DRC4: variants seen among roughly 807,000 people sequenced by gnomAD.
DRC4 encodes GAS-11.
the DRC4 span, chr16:90,020,705 T>A: frequency 6.6e-6 from 1 of 152,284 alleles, no homozygotes; most frequent in Admixed American, 6.5e-5. Context: ...GATTCATCTC[T>A]GCAGCCCACA....
chr16:90,040,332 G>A, the DRC4 span: 1 of 1,599,908 alleles, frequency 6.3e-7, no homozygotes, highest in Non-Finnish European at 8.5e-7. Context: ...TCTATCGGAA[G>A]TTCACCGCAG....
the DRC4 span, chr16:90,022,554 C>T: frequency 7.6e-6 from 5 of 659,210 alleles, no homozygotes; most frequent in Non-Finnish European, 9.1e-6. Context: ...TCCGGACGCC[C>T]GTCTCTAGGG....
At chr16:90,034,997 G>A in the DRC4 span, among the ~76,000 whole-genome samples, 1 of 140,434 alleles carries the variant, frequency 7.1e-6, no homozygotes, top group East Asian at 2.2e-4. Flanking sequence ...TCTGCCTCCC[G>A]GGTTCAAGCT....
the DRC4 span, among the ~76,000 whole-genome samples, chr16:90,038,659 T>A: frequency 6.6e-6 from 1 of 152,086 alleles, no homozygotes; most frequent in Admixed American, 6.6e-5. Flanking sequence ...CCTGCCAGGG[T>A]GCGGAGGGGC....
the DRC4 span, chr16:90,043,059 G>A: frequency 3.3e-4 from 335 of 1,004,480 alleles, 1 homozygote; most frequent in African/African-American, 4.4e-4. Flanking sequence ...TGTCCCACAC[G>A]GGAAATGACT....
At chr16:90,033,856 G>A in the DRC4 span, among the ~76,000 whole-genome samples, 1 of 151,656 alleles carries the variant, frequency 6.6e-6, no homozygotes, top group African/African-American at 2.4e-5. Flanking sequence ...TCGAAGTGGG[G>A]AGAGGTGGGG....
chr16:90,031,566 G>C, the DRC4 span: 3 of 1,456,656 alleles, frequency 2.1e-6, no homozygotes, highest in Non-Finnish European at 2.8e-6. Context: ...ATCCAGTGAG[G>C]GTGCAGGTGG....
chr16:90,042,032 G>C, the DRC4 span, among the ~76,000 whole-genome samples: 1 of 151,974 alleles, frequency 6.6e-6, no homozygotes, highest in African/African-American at 2.4e-5. Context: ...CCGTTTCCCA[G>C]GTTCAAGCAA....
At chr16:90,036,714 A>G in the DRC4 span, 1 of 816,186 alleles carries the variant, frequency 1.2e-6, no homozygotes, top group Non-Finnish European at 2.1e-6. Context: ...AGATTGTTTG[A>G]CAATGCCCCT....
the DRC4 span, chr16:90,042,599 G>T: frequency 7.1e-7 from 1 of 1,417,858 alleles, no homozygotes. Flanking sequence ...TCTAAATGCA[G>T]ACGGTCTCTG....
At chr16:90,037,700 G>T in the DRC4 span, 3 of 1,503,590 alleles carry the variant, frequency 2.0e-6, no homozygotes, top group South Asian at 2.3e-5. Context: ...AGGAGCCCGT[G>T]TTACTTGGAT....
At chr16:90,044,310 G>A in the DRC4 span, 3 of 425,850 alleles carry the variant, frequency 7.0e-6, no homozygotes, top group Non-Finnish European at 1.4e-5. Context: ...TGAGTGACGG[G>A]TGTGTCCTCG....
chr16:90,032,874 C>T, the DRC4 span: 1 of 1,613,894 alleles, frequency 6.2e-7, no homozygotes, highest in South Asian at 1.1e-5. Context: ...GAAGGTGGAG[C>T]TCAAGGAGCA....
the DRC4 span, chr16:90,044,887 G>A: frequency 4.6e-6 from 1 of 217,656 alleles, no homozygotes; most frequent in South Asian, 6.2e-5. Flanking sequence ...CTTTATAGCT[G>A]GCATATATTT....
chr16:90,037,507 G>C, the DRC4 span: 1 of 1,255,730 alleles, frequency 8.0e-7, no homozygotes, highest in South Asian at 1.5e-5. Flanking sequence ...GAAGGGAGAC[G>C]GGGAGGCCTG....
At chr16:90,028,849 C>T in the DRC4 span, 19 of 911,630 alleles carry the variant, frequency 2.1e-5, no homozygotes, top group African/African-American at 8.7e-5. Flanking sequence ...AAAATCAATA[C>T]GAAGGAGACT....
chr16:90,039,167 C>T, the DRC4 span, among the ~76,000 whole-genome samples: 2 of 152,146 alleles, frequency 1.3e-5, no homozygotes, highest in African/African-American at 4.8e-5. Context: ...ACAAGGGGCC[C>T]TTCCTTCTCC....
chr16:90,029,322 C>T, the DRC4 span: 217 of 1,363,160 alleles, frequency 1.6e-4, 3 homozygotes, highest in South Asian at 1.8e-3. Context: ...ACTCCTGCCC[C>T]GCAGCAGAGG....
the DRC4 span, among the ~76,000 whole-genome samples, chr16:90,024,872 C>T: frequency 6.6e-6 from 1 of 152,038 alleles, no homozygotes; most frequent in East Asian, 1.9e-4. Context: ...AAACACTAAA[C>T]ACAACCAAAC....
Sources: gnomAD v4.1 joint callset for allele counts (sites outside exome capture counted in the v4.1 genomes callset) on GRCh38, gnomAD v4.1.1 for gene constraint, MANE v1.5 for transcripts, NCBI Gene and HGNC (gene_info 2026-07-23, HGNC 2026-07-21) for gene names.